PPP1R9A: variants seen among roughly 807,000 people sequenced by gnomAD.
PPP1R9A encodes protein phosphatase 1 regulatory subunit 9A.
PPP1R9A carries 59 observed loss-of-function variants against 141.9 expected under a neutral mutation model. The observed-to-expected ratio is 0.42, with a 90% CI of 0.34 to 0.52. PPP1R9A has a LOEUF of 0.52. Among genes scored for constraint, PPP1R9A ranks in the 20% least tolerant of loss-of-function variants. The pLI, the probability that PPP1R9A is intolerant of heterozygous loss-of-function variation, is 0.10. For missense variants in PPP1R9A, 1,444 were observed against 1,611.9 expected (o/e 0.90, Z 1.78); for synonymous variants, 500 against 569.7 (o/e 0.88, Z 1.74).
At chr7:95,033,284 G>A (rs1162663414) in intron 2 of PPP1R9A, among the ~76,000 whole-genome samples, 1 of 151,406 alleles carries the variant, frequency 6.6e-6, no homozygotes, top group Non-Finnish European at 1.5e-5. Context: ...AAAGTGCTGG[G>A]ATTACAGGCA....
chr7:95,219,512 G>A lies in PPP1R9A; in HGVS notation c.1957-6449G>A, dbSNP rs143951309. On this transcript the variant is annotated intron_variant, in intron 7 of 19. Transcript: ENST00000433360. ...CTGTATTTCCTGAATTTGAATGTTG[G>A]CCTGCCTTGCTAGATTGGGGAAGTT... Among the ~76,000 whole-genome samples, 757 of 152,092 alleles carry A rather than the reference G, an allele frequency of 5.0e-3. 8 individuals are homozygous for A. Among genetic ancestry groups the A allele is most frequent in the African/African-American group, 0.017 (704 of 41,486 alleles).
intron 2 of PPP1R9A, among the ~76,000 whole-genome samples, chr7:94,969,796 T>A (rs1474190695): frequency 1.3e-5 from 2 of 152,166 alleles, no homozygotes; most frequent in Non-Finnish European, 2.9e-5. Flanking sequence ...GAGTTTTATC[T>A]ATAAGCCTCT....
intron 9 of PPP1R9A, among the ~76,000 whole-genome samples, chr7:95,248,465 C>G (rs73222000): frequency 6.6e-6 from 1 of 152,154 alleles, no homozygotes; most frequent in Non-Finnish European, 1.5e-5. Context: ...CGGTGTTAGT[C>G]CAGCTCCGTG....
chr7:95,142,131 A>G (rs1325736811), intron 4 of PPP1R9A, among the ~76,000 whole-genome samples: 1 of 151,938 alleles, frequency 6.6e-6, no homozygotes, highest in Non-Finnish European at 1.5e-5. Flanking sequence ...CATTTTTTTC[A>G]TGTGCTTATT....
At chr7:95,036,186 A>T (rs1054520506) in intron 2 of PPP1R9A, 1 of 152,194 alleles carries the variant, frequency 6.6e-6, no homozygotes, top group African/African-American at 2.4e-5. Flanking sequence ...AAGAGTGACT[A>T]TAGACTTAAG....
chr7:95,284,042 C>T lies in PPP1R9A; in HGVS notation c.3321C>T (p.Asn1107=), dbSNP rs1804796440. Residue 1107 remains asparagine, a synonymous_variant, in exon 17 of 20, where the codon AAC becomes AAT. Coordinates refer to ENST00000433360, the MANE Select transcript of PPP1R9A (RefSeq NM_001166160.2). ...GSRIFRGRLE[N]WTPKPCSTAQ... ...GGATCTTCAGAGGCAGACTGGAAAA[C>T]TGGACACCCAAGCCATGTTCAACAG... 2.5e-6 allele frequency: 4 copies of T among 1,596,084 alleles called. No homozygotes were observed. Among genetic ancestry groups the T allele is most frequent in the Non-Finnish European group, 3.4e-6 (4 of 1,177,976 alleles).
At chr7:95,147,859 A>C (rs778483415) in intron 4 of PPP1R9A, among the ~76,000 whole-genome samples, 13 of 152,270 alleles carry the variant, frequency 8.5e-5, no homozygotes, top group African/African-American at 2.9e-4. Flanking sequence ...CTTGATCATG[A>C]TGGATAACTT....
intron 5 of PPP1R9A, among the ~76,000 whole-genome samples, chr7:95,184,316 G>A (rs1834311046): frequency 1.3e-5 from 2 of 152,082 alleles, no homozygotes; most frequent in Admixed American, 6.5e-5. Flanking sequence ...AGTATAAGTT[G>A]TGTGCATCTG....
chr7:95,107,814 AT>A (rs1819772619), intron 2 of PPP1R9A, among the ~76,000 whole-genome samples: 1 of 152,112 alleles, frequency 6.6e-6, no homozygotes, highest in South Asian at 2.1e-4. Flanking sequence ...ATTGTCTTGA[AT>A]TCATAAATTA....
Position 95,226,263 on chromosome 7 carries a change from T to C in PPP1R9A, c.2112+147T>C, listed in dbSNP as rs562139224. The C allele has an allele frequency of 3.9e-5, 32 of 824,612 alleles. No individual in the cohort carries two copies. The African/African-American group carries it at 4.8e-4, about 12-fold the overall frequency. 51.1% of individuals were successfully genotyped at this position (824,612 alleles called of 1,614,324 possible). ...GTCTTGAGTCTCATTGAATTTCAAG[T>C]AGAATTTAAGTAGATCTCGTTCCAC... On this transcript the variant is annotated intron_variant, in intron 8 of 19. Transcript: ENST00000433360.
intron 7 of PPP1R9A, among the ~76,000 whole-genome samples, chr7:95,207,984 G>T (rs892682493): frequency 4.6e-5 from 7 of 152,148 alleles, no homozygotes; most frequent in African/African-American, 1.7e-4. Flanking sequence ...TGGATTGGAA[G>T]ATTCAGTAAC....
chr7:94,911,618 A>G lies in PPP1R9A; in HGVS notation c.1395+110A>G, dbSNP rs550457204. ...TAGGAGTTTTTGTAAGGGATTCAAG[A>G]TTGTTGATACCTTTAAAATCACCTG... On this transcript the variant is annotated intron_variant, in intron 2 of 19. Coordinates refer to ENST00000433360, the MANE Select transcript of PPP1R9A (RefSeq NM_001166160.2). The G allele has an allele frequency of 2.2e-5, 17 of 790,356 alleles. 1 individual carries two copies. In the South Asian group the frequency reaches 3.0e-4, roughly 14 times the overall value. The allele number at this position is 790,356 out of a possible 1,614,324, so 49.0% of individuals were successfully genotyped here. A position where few individuals can be genotyped will look rare whatever the true frequency, so the allele number is the denominator to read the frequency against.
At chr7:95,197,806 G>A (rs547763924) in intron 5 of PPP1R9A, among the ~76,000 whole-genome samples, 7 of 152,014 alleles carry the variant, frequency 4.6e-5, no homozygotes, top group Middle Eastern at 3.4e-3. Context: ...GCGCCACCAC[G>A]CCCGGCTAAT....
intron 14 of PPP1R9A, 151 bp from the exon 15 acceptor site, chr7:95,273,748 G>C (rs1055860925): frequency 2.6e-5 from 19 of 733,716 alleles, no homozygotes; most frequent in Non-Finnish European, 3.7e-5. Context: ...CAATGTAACT[G>C]TGTCTCCTAG....
intron 2 of PPP1R9A, among the ~76,000 whole-genome samples, chr7:95,048,277 T>A (rs1810308782): frequency 6.6e-6 from 1 of 152,164 alleles, no homozygotes; most frequent in Non-Finnish European, 1.5e-5. Flanking sequence ...TTTTAAGTAT[T>A]CATTCAACAA....
chr7:95,107,726 A>C (rs1309172973), intron 2 of PPP1R9A, among the ~76,000 whole-genome samples: 1 of 152,158 alleles, frequency 6.6e-6, no homozygotes, highest in Non-Finnish European at 1.5e-5. Flanking sequence ...GATATCCACT[A>C]GGGCCTGATT....
chr7:95,022,290 A>G (rs563798600), intron 2 of PPP1R9A, among the ~76,000 whole-genome samples: 1 of 152,154 alleles, frequency 6.6e-6, no homozygotes, highest in Non-Finnish European at 1.5e-5. Context: ...ATTGATGTAT[A>G]GGAATGCTTG....
chr7:95,282,232 T>G (rs1170947066), intron 16 of PPP1R9A, among the ~76,000 whole-genome samples: 1 of 150,998 alleles, frequency 6.6e-6, no homozygotes, highest in Non-Finnish European at 1.5e-5. Flanking sequence ...CTCTGGAAGC[T>G]GAGGTGTGAA....
chr7:95,012,339 A>G (rs2151633101), intron 2 of PPP1R9A, among the ~76,000 whole-genome samples: 2 of 152,158 alleles, frequency 1.3e-5, no homozygotes, highest in South Asian at 4.2e-4. Context: ...CTTTTAAACA[A>G]CCACATACCC....
Sources: gnomAD v4.1 joint callset for allele counts (sites outside exome capture counted in the v4.1 genomes callset) on GRCh38, gnomAD v4.1.1 for gene constraint, MANE v1.5 for transcripts, NCBI Gene and HGNC (gene_info 2026-07-23, HGNC 2026-07-21) for gene names.